Variants in C9orf153 observed in about 807,000 individuals in gnomAD.
C9orf153 encodes the protein chromosome 9 open reading frame 153.
C9orf153 carries 10 observed loss-of-function variants against 9.0 expected under a neutral mutation model. The ratio of observed to expected loss-of-function variants is 1.11; its 90% CI spans 0.69 to 1.89. The LOEUF is 1.89. C9orf153 is among the 40% of genes most tolerant of loss of function. The probability of loss-of-function intolerance (pLI) is 0.00; values close to 1 mark genes in which losing one functional copy is unlikely to be tolerated. For missense variants in C9orf153, 108 were observed against 111.0 expected (o/e 0.97, Z 0.12); for synonymous variants, 35 against 37.3 (o/e 0.94, Z 0.23).
At chr9:86,236,535 C>T (rs1411308226) in intron 1 of C9orf153, among the ~76,000 whole-genome samples, 19 of 124,352 alleles carry the variant, frequency 1.5e-4, no homozygotes, top group African/African-American at 5.7e-4. Flanking sequence ...GGTGACAGGG[C>T]GAGACTCCAT....
At chr9:86,233,574 G>A (rs780106756) in intron 1 of C9orf153, among the ~76,000 whole-genome samples, 3 of 151,960 alleles carry the variant, frequency 2.0e-5, no homozygotes, top group Admixed American at 6.6e-5. Context: ...GTGCCACCAT[G>A]TCTGGATAAT....
intron 2 of C9orf153, 74 bp from the exon 3 acceptor site, chr9:86,228,104 A>C (rs535157671): frequency 1.8e-6 from 2 of 1,082,592 alleles, no homozygotes; most frequent in Non-Finnish European, 2.6e-6. Context: ...TACAAACCCT[A>C]GAAAAAACCA....
At position 86,221,768 on chromosome 9, in the gene C9orf153, T is replaced by C. The variant is rs926438668; in HGVS notation, c.243-35A>G. The C allele has an allele frequency of 2.8e-6, 4 of 1,421,792 alleles. No homozygotes were observed. In the African/African-American group the frequency reaches 5.7e-5, roughly 20 times the overall value. 88.1% of individuals were successfully genotyped at this position (1,421,792 alleles called of 1,614,324 possible). On this transcript the variant is annotated intron_variant, in intron 3 of 3. Transcript: ENST00000339137. ...ATCATATTTTCAAAGAATCACATGG[T>C]GTTGTTACTCAGCCTTTCATTACTC...
Sources: gnomAD v4.1 joint callset for allele counts (sites outside exome capture counted in the v4.1 genomes callset) on GRCh38, gnomAD v4.1.1 for gene constraint, MANE v1.5 for transcripts, NCBI Gene and HGNC (gene_info 2026-07-23, HGNC 2026-07-21) for gene names.